ARHGEF1: variants seen among roughly 807,000 people sequenced by gnomAD.
ARHGEF1 encodes Rho guanine nucleotide exchange factor 1.
Under a neutral mutation model 119.7 loss-of-function variants are expected in ARHGEF1, and 40 were observed. That is an observed-to-expected ratio of 0.33 (90% CI 0.26 to 0.44). ARHGEF1 has a LOEUF of 0.44. Ranked by LOEUF, ARHGEF1 falls within the 20% of genes least tolerant of loss-of-function variation. The pLI, the probability that ARHGEF1 is intolerant of heterozygous loss-of-function variation, is 1.00. For missense variants in ARHGEF1, 976 were observed against 1,268.3 expected (o/e 0.77, Z 3.50); for synonymous variants, 494 against 521.0 (o/e 0.95, Z 0.71).
chr19:41,893,181 C>T (rs782009273), intron 7 of ARHGEF1, 93 bp from the exon 8 acceptor site: 1 of 1,539,628 alleles, frequency 6.5e-7, no homozygotes, highest in South Asian at 1.2e-5. Flanking sequence ...TTCCCCCTGC[C>T]TATCCCAGGA....
rs2074633448 is a variant in ARHGEF1 at position 41,903,189 on chromosome 19, T to A, written c.1739-118T>A. 3 of 910,206 alleles carry A rather than the reference T, an allele frequency of 3.3e-6. No homozygotes were observed. The highest frequency in any genetic ancestry group is 5.2e-6 in the Non-Finnish European group (3 of 578,750). 56.4% of individuals were successfully genotyped at this position (910,206 alleles called of 1,614,324 possible). On this transcript the variant is annotated intron_variant, in intron 18 of 28. Coordinates refer to ENST00000354532, the MANE Select transcript of ARHGEF1 (RefSeq NM_004706.4). The surrounding 1 kb of genome is among the most constrained non-coding windows in gnomAD (Gnocchi z 4.2). ...CTCCCGCCTCAGCCTCCCAAAGTGC[T>A]TGGATTACAGGCGTGAGCCACCATG...
In ARHGEF1 at chr19:41,906,864, C is replaced by T. The variant is rs1040202312; in HGVS notation, c.*17+61C>T. On this transcript the variant is annotated intron_variant, in intron 28 of 28. Transcript: ENST00000354532. The surrounding 1 kb of genome is among the most constrained non-coding windows in gnomAD (Gnocchi z 4.5). ...GAAAGGAGGGTCCCCCTCCAGAGCT[C>T]GCATCCCTACAGCCCCTTCTGTCCA... 1.6e-4 allele frequency: 214 copies of T among 1,313,480 alleles called. No homozygotes were observed. The highest frequency in any genetic ancestry group is 4.8e-5 in the Non-Finnish European group (46 of 953,044). 81.4% of individuals were successfully genotyped at this position (1,313,480 alleles called of 1,614,324 possible). A position where few individuals can be genotyped will look rare whatever the true frequency, so the allele number is the denominator to read the frequency against.
At chr19:41,894,942 T>G in intron 11 of ARHGEF1, among the ~76,000 whole-genome samples, 1 of 98,710 alleles carries the variant, frequency 1.0e-5, no homozygotes, top group Non-Finnish European at 1.6e-5. Context: ...AGCTCCTGGG[T>G]CTGAGGGAGG....
At position 41,896,501 on chromosome 19, in the gene ARHGEF1, A is replaced by G. The variant is rs2074489798; in HGVS notation, c.1121+19A>G. On this transcript the variant is annotated intron_variant, in intron 13 of 28. Coordinates refer to ENST00000354532, the MANE Select transcript of ARHGEF1 (RefSeq NM_004706.4). ...CCGAGAGGTGCCCAGGCTGGGGTGCAGGGGCGGGAGGTGTGGCTTACTGGG... is the reference window on the plus strand; with the variant it reads ...CCGAGAGGTGCCCAGGCTGGGGTGCGGGGGCGGGAGGTGTGGCTTACTGGG... 6.7e-7 allele frequency: 1 copy of G among 1,487,354 alleles called. No homozygotes were observed. Among genetic ancestry groups the G allele is most frequent in the Non-Finnish European group, 9.0e-7 (1 of 1,111,886 alleles). 92.1% of individuals were successfully genotyped at this position (1,487,354 alleles called of 1,614,324 possible).
upstream of ARHGEF1, among the ~76,000 whole-genome samples, chr19:41,918,322 T>C (rs887822327): frequency 6.9e-6 from 1 of 145,468 alleles, no homozygotes; most frequent in Non-Finnish European, 1.5e-5. Flanking sequence ...ACACACCACA[T>C]ACACACACAC....
Position 41,895,262 on chromosome 19 carries a change from T to C in ARHGEF1, c.878-87T>C. 2.0e-6 allele frequency: 3 copies of C among 1,505,784 alleles called. No individual in the cohort carries two copies. The East Asian group carries it at 6.8e-5, about 34-fold the overall frequency. The allele number at this position is 1,505,784 out of a possible 1,614,324, so 93.3% of individuals were successfully genotyped here. On this transcript the variant is annotated intron_variant, in intron 11 of 28. Transcript: ENST00000354532. ...CTCCTTGTCATGGTGGGGAAGGGCC[T>C]GAGCACAGCCTCTTGCATCCCCTGG... is the stretch of plus-strand genomic sequence containing the variant.
At chr19:41,910,236 C>CA (rs2074744480), downstream of ARHGEF1, 2 of 821,758 alleles carry the variant, frequency 2.4e-6, no homozygotes, top group Admixed American at 5.8e-5. The surrounding 1 kb of genome is among the most constrained non-coding windows in gnomAD (Gnocchi z 4.4). Context: ...TTCCACACTC[C>CA]AAACCTCCTC....
Position 41,903,456 on chromosome 19 carries a change from A to C in ARHGEF1, c.1839+49A>C, listed in dbSNP as rs2074637554. The C allele has an allele frequency of 1.9e-6, 3 of 1,565,594 alleles. No individual in the cohort carries two copies. Among genetic ancestry groups the C allele is most frequent in the Admixed American group, 1.7e-5 (1 of 58,814 alleles). On this transcript the variant is annotated intron_variant, in intron 19 of 28. Transcript: ENST00000354532. The surrounding 1 kb of genome is among the most constrained non-coding windows in gnomAD (Gnocchi z 4.2). ...CCGGGACAGTGGATGGTGTGAGAGC[A>C]GGGGGTGGACCCTACCTCAGCCTGT...
intron 13 of ARHGEF1, 140 bp downstream of exon 13, chr19:41,896,622 C>T: frequency 2.7e-6 from 2 of 733,922 alleles, no homozygotes; most frequent in Non-Finnish European, 4.9e-6. Flanking sequence ...TGGGTCTGGC[C>T]ATTCCTCTCC....
At chr19:41,908,635 A>C, downstream of ARHGEF1, 3 of 1,231,550 alleles carry the variant, frequency 2.4e-6, no homozygotes, top group South Asian at 8.2e-5. The surrounding 1 kb of genome is among the most constrained non-coding windows in gnomAD (Gnocchi z 6.7). Flanking sequence ...GCGCGGCCAT[A>C]AGGACCCAGC....
rs553681051 is a variant in ARHGEF1, at chr19:41,917,351, A to C, written c.1866-5741A>C. Among the ~76,000 whole-genome samples, 51 of 151,170 alleles carry C rather than the reference A, an allele frequency of 3.4e-4. No homozygotes were observed. Among genetic ancestry groups the C allele is most frequent in the Non-Finnish European group, 6.8e-4 (46 of 67,822 alleles). ...CTCTGCCTCTGTCTCCTAACGCCCC[A>C]TCACCACGCCCCCCTGGGCTGGGGT... is the stretch of plus-strand genomic sequence containing the variant. On this transcript the variant is annotated intron_variant, in intron 18 of 20. Transcript: ENST00000599589. The surrounding 1 kb of genome is among the most constrained non-coding windows in gnomAD (Gnocchi z 4.8).
intron 13 of ARHGEF1, chr19:41,897,377 TC>T (rs1260297173): frequency 6.0e-6 from 7 of 1,167,574 alleles, no homozygotes; most frequent in Non-Finnish European, 7.6e-6. Flanking sequence ...CCCCCATTTC[TC>T]CCAGCCCCTC....
chr19:41,927,301 G>A (rs1555853351), intron 1 of ARHGEF1, among the ~76,000 whole-genome samples: 1 of 152,126 alleles, frequency 6.6e-6, no homozygotes, highest in African/African-American at 2.4e-5. Flanking sequence ...GGCCAGGCCT[G>A]TACTCCTTGC....
At chr19:41,926,772 C>A (rs2074873983) in intron 1 of ARHGEF1, among the ~76,000 whole-genome samples, 2 of 152,200 alleles carry the variant, frequency 1.3e-5, no homozygotes. Context: ...CCGCTTGTCT[C>A]TTAATCTCCA....
chr19:41,907,271 C>G lies in ARHGEF1; in HGVS notation c.*184C>G, dbSNP rs1555850529. 6.5e-7 allele frequency: 1 copy of G among 1,527,158 alleles called. No homozygotes were observed. Among genetic ancestry groups the G allele is most frequent in the East Asian group, 2.5e-5 (1 of 40,682 alleles). The allele number at this position is 1,527,158 out of a possible 1,614,324, so 94.6% of individuals were successfully genotyped here. ...CTGGCCCCGCATGAGCCTCGGCCAT[C>G]TCTCCCTCCTGCCCTCTGCTTGGGG... On this transcript the variant is annotated 3_prime_UTR_variant, in exon 29 of 29. Coordinates refer to ENST00000354532, the MANE Select transcript of ARHGEF1 (RefSeq NM_004706.4).
At position 41,906,355 on chromosome 19, in the gene ARHGEF1, C is replaced by T. The variant is rs375334337; in HGVS notation, c.2492-102C>T. On this transcript the variant is annotated intron_variant, in intron 26 of 28. Transcript: ENST00000354532. The surrounding 1 kb of genome is among the most constrained non-coding windows in gnomAD (Gnocchi z 4.5). ...TCTGCTCAGCCTTGCCTGGCACCCA[C>T]CTTCACCTCCAGCCCCTACACATCC... 1.2e-5 allele frequency: 15 copies of T among 1,239,440 alleles called. No homozygotes were observed. The highest frequency in any genetic ancestry group is 2.5e-5 in the East Asian group (1 of 39,850). The allele number at this position is 1,239,440 out of a possible 1,614,324, so 76.8% of individuals were successfully genotyped here.
intron 18 of ARHGEF1, among the ~76,000 whole-genome samples, chr19:41,914,683 A>ATCTCTG (rs1480858010): frequency 1.8e-4 from 1 of 5,478 alleles, no homozygotes; most frequent in Non-Finnish European, 2.7e-4. Flanking sequence ...CCCTTCCACC[A>ATCTCTG]TCTCTGTCTC....
Position 41,884,595 on chromosome 19 carries a change from C to T in ARHGEF1, c.-20+1306C>T. On this transcript the variant is annotated intron_variant, in intron 1 of 28. Coordinates refer to ENST00000354532, the MANE Select transcript of ARHGEF1 (RefSeq NM_004706.4). Reference sequence around the variant, plus strand: ...GCCACGTCCCCCGTAGGATTTAGGGCCCGCGTAAGACCCGCCACGTCCATG... The same window carrying T: ...GCCACGTCCCCCGTAGGATTTAGGGTCCGCGTAAGACCCGCCACGTCCATG... The T allele has an allele frequency of 1.4e-6, 2 of 1,459,190 alleles. 1 individual carries two copies. The highest frequency in any genetic ancestry group is 2.4e-5 in the South Asian group (2 of 82,746). 90.4% of individuals were successfully genotyped at this position (1,459,190 alleles called of 1,614,324 possible). A position where few individuals can be genotyped will look rare whatever the true frequency, so the allele number is the denominator to read the frequency against.
At position 41,903,605 on chromosome 19, in the gene ARHGEF1, C is replaced by G. The variant is rs572287110; in HGVS notation, c.1840-102C>G. ...GGTCAGGCCCAACCCTCAGCTTGCCCGCATCAGAAGTTGGTCTTGGCTCTC... is the reference window on the plus strand; with the variant it reads ...GGTCAGGCCCAACCCTCAGCTTGCCGGCATCAGAAGTTGGTCTTGGCTCTC... On this transcript the variant is annotated intron_variant, in intron 19 of 28. Coordinates refer to ENST00000354532, the MANE Select transcript of ARHGEF1 (RefSeq NM_004706.4). The surrounding 1 kb of genome is among the most constrained non-coding windows in gnomAD (Gnocchi z 4.2). 7.6e-7 allele frequency: 1 copy of G among 1,314,602 alleles called. No homozygotes were observed. The highest frequency in any genetic ancestry group is 1.1e-6 in the Non-Finnish European group (1 of 934,524). The allele number at this position is 1,314,602 out of a possible 1,614,324, so 81.4% of individuals were successfully genotyped here. A position where few individuals can be genotyped will look rare whatever the true frequency, so the allele number is the denominator to read the frequency against.
Sources: gnomAD v4.1 joint callset for allele counts (sites outside exome capture counted in the v4.1 genomes callset) on GRCh38, gnomAD v4.1.1 for gene constraint, Gnocchi (gnomAD v3.1) non-coding constraint, MANE v1.5 for transcripts, NCBI Gene and HGNC (gene_info 2026-07-23, HGNC 2026-07-21) for gene names.